ACTL8: variants seen among roughly 807,000 people sequenced by gnomAD.
ACTL8 encodes actin-like protein 8.
ACTL8 carries 3 observed loss-of-function variants against 9.3 expected under a neutral mutation model. The ratio of observed to expected loss-of-function variants is 0.32; its 90% confidence interval spans 0.15 to 0.83. ACTL8 has a LOEUF of 0.83. Among genes scored for constraint, ACTL8 ranks in the 40% least tolerant of loss-of-function variants. ACTL8 has a pLI of 0.57. For missense variants in ACTL8, 381 were observed against 492.2 expected, an observed-to-expected ratio of 0.77 and a Z score of 2.14; for synonymous variants, 224 against 205.9, an observed-to-expected ratio of 1.09 and a Z score of -0.75.
chr1:17,800,308 G>A (rs1364725710), intron 1 of ACTL8, among the ~76,000 whole-genome samples: 3 of 152,162 alleles, frequency 2.0e-5, no homozygotes, highest in African/African-American at 7.2e-5. Flanking sequence ...GATAATATGA[G>A]TGGGGTGTCA....
At chr1:17,818,222 C>T (rs1242036788) in intron 1 of ACTL8, among the ~76,000 whole-genome samples, 6 of 152,218 alleles carry the variant, frequency 3.9e-5, no homozygotes, top group Non-Finnish European at 2.9e-5. Flanking sequence ...TATCTTCCTT[C>T]ATTCTTCTTC....
At chr1:17,796,306 C>CTGTG (rs3063168) in intron 1 of ACTL8, among the ~76,000 whole-genome samples, 67,687 of 147,706 alleles carry the variant, frequency 0.46, 17,293 homozygotes, top group Non-Finnish European at 0.59. Context: ...ATGCGTGCAC[C>CTGTG]TGTGTGTGTG....
chr1:17,795,770 T>C (rs1327524262), intron 1 of ACTL8, among the ~76,000 whole-genome samples: 2 of 152,114 alleles, frequency 1.3e-5, no homozygotes, highest in African/African-American at 4.8e-5. Flanking sequence ...GCCGTTTGAT[T>C]CCAAAATCTT....
At chr1:17,765,554 C>T (rs1451987462) in intron 1 of ACTL8, among the ~76,000 whole-genome samples, 1 of 152,256 alleles carries the variant, frequency 6.6e-6, no homozygotes. Context: ...CTCTCCATGG[C>T]AGGCTATGTA....
At chr1:17,783,346 TGTTTTG>T (rs1557433732) in intron 1 of ACTL8, among the ~76,000 whole-genome samples, 3,023 of 133,488 alleles carry the variant, frequency 0.023, 109 homozygotes, top group African/African-American at 0.079. Context: ...TTTTTTTTTT[TGTTTTG>T]TTTTTTTTTT....
chr1:17,790,188 G>A (rs1229077773), intron 1 of ACTL8, among the ~76,000 whole-genome samples: 2 of 152,242 alleles, frequency 1.3e-5, no homozygotes, highest in Non-Finnish European at 2.9e-5. Flanking sequence ...GCACTCGGAA[G>A]CTTGGAGATG....
At chr1:17,758,245 G>T (rs985480664) in intron 1 of ACTL8, among the ~76,000 whole-genome samples, 1 of 152,196 alleles carries the variant, frequency 6.6e-6, no homozygotes, top group African/African-American at 2.4e-5. Flanking sequence ...AGGACAAGGT[G>T]GGCACACATT....
At chr1:17,816,758 C>T (rs1301806108) in intron 1 of ACTL8, among the ~76,000 whole-genome samples, 7 of 152,260 alleles carry the variant, frequency 4.6e-5, no homozygotes, top group African/African-American at 1.7e-4. Context: ...TGTGCCCGTT[C>T]ATATATAGAA....
At chr1:17,782,724 T>C (rs1368818966) in intron 1 of ACTL8, among the ~76,000 whole-genome samples, 1 of 152,224 alleles carries the variant, frequency 6.6e-6, no homozygotes, top group Non-Finnish European at 1.5e-5. Flanking sequence ...TGGTAAACAA[T>C]TCTGTAGTGA....
rs1296497326 is a variant in ACTL8, at chr1:17,767,262, A to G, written c.-25+11758A>G. On this transcript the variant is annotated intron_variant, in intron 1 of 2. Coordinates refer to ENST00000375406, the MANE Select transcript of ACTL8 (RefSeq NM_030812.3). The surrounding 1 kb of genome is among the most constrained non-coding windows in gnomAD (Gnocchi z 4.7). Reference sequence around the variant, plus strand: ...CAGGAGGTGAGGTCAGAACGGTAAGAGTGAGGAGATGCTGGGGTTGCATCG... The same window carrying G: ...CAGGAGGTGAGGTCAGAACGGTAAGGGTGAGGAGATGCTGGGGTTGCATCG... Among the ~76,000 whole-genome samples, 2 of 151,914 alleles carry G rather than the reference A, an allele frequency of 1.3e-5. No individual in the cohort carries two copies.
intron 1 of ACTL8, among the ~76,000 whole-genome samples, chr1:17,802,370 T>C (rs75114496): frequency 0.074 from 11,172 of 151,672 alleles, 508 homozygotes; most frequent in East Asian, 0.15. Context: ...GGACGTGGAG[T>C]CAGGAGTTGC....
Position 17,825,882 on chromosome 1 carries a change from C to G in ACTL8, c.464C>G (p.Thr155Ser). ...GVVVDSGYGL[T>S]RVQPFHQGRP... ...GTGGTTGATTCTGGCTATGGCCTGA[C>G]CCGCGTGCAGCCTTTCCACCAGGGC... The change falls in exon 3 of 3, where the codon ACC becomes AGC. Residue 155 changes from threonine (T) to serine (S), a missense_variant. This residue lies in a region of ACTL8 where 13 missense variants were observed against 35.4 expected (regional missense o/e 0.37). Transcript: ENST00000375406. The G allele has an allele frequency of 6.2e-7, 1 of 1,613,828 alleles. No individual in the cohort carries two copies. The highest frequency in any genetic ancestry group is 8.5e-7 in the Non-Finnish European group (1 of 1,180,038).
At chr1:17,762,966 C>CT (rs2066017892) in intron 1 of ACTL8, among the ~76,000 whole-genome samples, 1 of 152,148 alleles carries the variant, frequency 6.6e-6, no homozygotes, top group Admixed American at 6.5e-5. Flanking sequence ...CCCCAGGCCT[C>CT]TGATTCCTCG....
intron 2 of ACTL8, 47 bp from the exon 3 acceptor site, chr1:17,825,720 G>A: frequency 1.3e-6 from 2 of 1,579,004 alleles, no homozygotes; most frequent in East Asian, 2.2e-5. Context: ...TTTGACTGCT[G>A]AGCAGGCTGG....
At chr1:17,812,289 T>C (rs922276331) in intron 1 of ACTL8, among the ~76,000 whole-genome samples, 2 of 152,242 alleles carry the variant, frequency 1.3e-5, no homozygotes, top group Non-Finnish European at 2.9e-5. Flanking sequence ...AGAATCAACT[T>C]GTTGATATCT....
At chr1:17,779,831 G>T (rs1376379758) in intron 1 of ACTL8, among the ~76,000 whole-genome samples, 1 of 152,128 alleles carries the variant, frequency 6.6e-6, no homozygotes, top group African/African-American at 2.4e-5. Flanking sequence ...ACCTGGAGTG[G>T]GTCTTCCATG....
At chr1:17,791,203 CG>C (rs1298766675) in intron 1 of ACTL8, among the ~76,000 whole-genome samples, 1 of 152,122 alleles carries the variant, frequency 6.6e-6, no homozygotes, top group Non-Finnish European at 1.5e-5. Context: ...TGCCCCAACT[CG>C]GAAGGGGCAG....
At chr1:17,810,028 C>A (rs1419749977) in intron 1 of ACTL8, among the ~76,000 whole-genome samples, 1 of 152,116 alleles carries the variant, frequency 6.6e-6, no homozygotes, top group Non-Finnish European at 1.5e-5. Flanking sequence ...CTGGATTATT[C>A]CCATCAGCAT....
At chr1:17,759,585 C>T (rs1186861636) in intron 1 of ACTL8, among the ~76,000 whole-genome samples, 2 of 152,242 alleles carry the variant, frequency 1.3e-5, no homozygotes, top group African/African-American at 4.8e-5. Context: ...ATACCCTCTT[C>T]AGCAAGGCCT....
Sources: allele counts gnomAD v4.1 joint callset (sites outside exome capture counted in the v4.1 genomes callset), GRCh38; gene constraint gnomAD v4.1.1; regional missense constraint gnomAD v4.1.1; non-coding constraint Gnocchi (gnomAD v3.1); transcripts MANE v1.5; gene names NCBI Gene and HGNC (gene_info 2026-07-23, HGNC 2026-07-21).